The following VAV1 variants were observed in gnomAD, a reference collection of about 807,000 sequenced individuals.
VAV1 encodes the protein vav guanine nucleotide exchange factor 1.
Under a neutral mutation model 128.1 loss-of-function variants are expected in VAV1, and 33 were observed. That is an observed-to-expected ratio of 0.26 (90% CI 0.20 to 0.34). VAV1 has a LOEUF of 0.34. VAV1 is among the 10% of genes least tolerant of loss of function. VAV1 has a pLI of 1.00. For missense variants in VAV1, 715 were observed against 1,093.7 expected, an observed-to-expected ratio of 0.65 and a Z score of 4.88; for synonymous variants, 394 against 409.8, an observed-to-expected ratio of 0.96 and a Z score of 0.47.
At chr19:6,773,848 G>T (rs934541459) in intron 1 of VAV1, among the ~76,000 whole-genome samples, 3 of 152,124 alleles carry the variant, frequency 2.0e-5, no homozygotes, top group South Asian at 4.1e-4. Flanking sequence ...GTTCCCCAGG[G>T]CTGCTGGGTG....
chr19:6,832,793 G>A (rs1972116211), intron 15 of VAV1, among the ~76,000 whole-genome samples: 1 of 149,472 alleles, frequency 6.7e-6, no homozygotes, highest in African/African-American at 2.5e-5. Flanking sequence ...TCCTTTTTAT[G>A]TGAGGCAAAA....
intron 1 of VAV1, among the ~76,000 whole-genome samples, chr19:6,795,046 C>T (rs934714636): frequency 1.2e-4 from 18 of 152,066 alleles, no homozygotes; most frequent in Admixed American, 2.0e-4. Flanking sequence ...TCAAGAAACC[C>T]GGAGAGAGAG....
Position 6,828,057 on chromosome 19 carries a change from T to C in VAV1, c.928-19T>C. ...TCTGGGACCTGCCTCAGTTTCCCCA[T>C]TGTTCTCTGATTCCCCAGGAATGTT... On this transcript the variant is annotated intron_variant, in intron 9 of 26. Coordinates refer to ENST00000602142, the MANE Select transcript of VAV1 (RefSeq NM_005428.4). The surrounding 1 kb of genome is among the most constrained non-coding windows in gnomAD (Gnocchi z 4.5). 6.2e-7 allele frequency: 1 copy of C among 1,613,082 alleles called. No individual in the cohort carries two copies. The highest frequency in any genetic ancestry group is 2.2e-5 in the East Asian group (1 of 44,868).
intron 13 of VAV1, among the ~76,000 whole-genome samples, chr19:6,829,545 G>A (rs1044225657): frequency 6.6e-6 from 1 of 152,164 alleles, no homozygotes; most frequent in Admixed American, 6.5e-5. Flanking sequence ...AGAGAAGGCG[G>A]TGGAGCCTTG....
chr19:6,814,637 C>CTCTTTCCTTCCTTCCTTCCTTCCG (rs1971581940), intron 1 of VAV1, among the ~76,000 whole-genome samples: 8 of 82,074 alleles, frequency 9.7e-5, no homozygotes, highest in African/African-American at 3.9e-4. Flanking sequence ...TTTTCTTTCT[C>CTCTTTCCTTCCTTCCTTCCTTCCG]TCCTTCCTTC....
At chr19:6,816,125 T>G (rs995357699) in intron 1 of VAV1, among the ~76,000 whole-genome samples, 1 of 150,532 alleles carries the variant, frequency 6.6e-6, no homozygotes, top group Non-Finnish European at 1.5e-5. Context: ...GTTCACGCCA[T>G]TCTCCTGCCT....
intron 7 of VAV1, 49 bp from the exon 8 acceptor site, chr19:6,825,254 C>T (rs1234563581): frequency 7.6e-6 from 12 of 1,587,824 alleles, no homozygotes; most frequent in Admixed American, 3.4e-5. Context: ...CTTCCTGGCC[C>T]CCTGAGCCCT....
rs1353294282 is a variant in VAV1, at chr19:6,777,751, T to TA, written c.204+4741dup. On this transcript the variant is annotated intron_variant, in intron 1 of 26. Transcript: ENST00000602142. The surrounding 1 kb of genome is among the most constrained non-coding windows in gnomAD (Gnocchi z 4.4). Reference sequence around the variant, plus strand: ...GATCTGAGGCCCAGGGAGAGAATGATACCATCATGAGAAGCCACAGCTATA... The same window carrying TA: ...GATCTGAGGCCCAGGGAGAGAATGATAACCATCATGAGAAGCCACAGCTATA... Among the ~76,000 whole-genome samples, 6 of 152,106 alleles carry TA rather than the reference T, an allele frequency of 3.9e-5. No individual in the cohort carries two copies. The highest frequency in any genetic ancestry group is 9.7e-5 in the African/African-American group (4 of 41,418).
At chr19:6,801,567 G>A (rs1359394416) in intron 1 of VAV1, among the ~76,000 whole-genome samples, 1 of 152,302 alleles carries the variant, frequency 6.6e-6, no homozygotes, top group East Asian at 1.9e-4. Context: ...GAACCCTCGG[G>A]AGCTTGAGGT....
Position 6,828,358 on chromosome 19 carries a change from G to T in VAV1, c.1024-61G>T. 1 of 1,591,732 alleles carries T rather than the reference G, an allele frequency of 6.3e-7. No homozygotes were observed. Among genetic ancestry groups the T allele is most frequent in the Non-Finnish European group, 8.6e-7 (1 of 1,161,048 alleles). On this transcript the variant is annotated intron_variant, in intron 10 of 26. Transcript: ENST00000602142. This position sits in a 1 kb window ranked among gnomAD's most constrained non-coding sequence, Gnocchi z 4.5. ...CTGGTGAGCTAGCATTGTTTGGAAG[G>T]CCCTCCCCGCAGGGAGAAGGGGAGG...
rs775206603 is a variant in VAV1, at chr19:6,850,683, G to T, written c.2143G>T (p.Val715Phe). Residue 715 changes from valine to phenylalanine, a missense_variant, in exon 24 of 27, where the codon GTC becomes TTC. Val to Phe is a conservative substitution (Grantham distance 50). Around this residue, in one of 3 missense-constraint regions of VAV1, gnomAD observed 407 missense variants for 580.6 expected, o/e 0.70. Coordinates refer to ENST00000602142, the MANE Select transcript of VAV1 (RefSeq NM_005428.4). ...ATCTGGTTCCAGATATAACGTCGAGGTCAAGCACATTAAAATCATGACAGC... is the reference window on the plus strand; with the variant it reads ...ATCTGGTTCCAGATATAACGTCGAGTTCAAGCACATTAAAATCATGACAGC... ...FAISIKYNVE[V>F]KHIKIMTAEG... 6.2e-7 allele frequency: 1 copy of T among 1,614,054 alleles called. No homozygotes were observed. The highest frequency in any genetic ancestry group is 1.1e-5 in the South Asian group (1 of 91,068).
chr19:6,841,345 G>A (rs1485036677), intron 21 of VAV1, among the ~76,000 whole-genome samples: 2 of 152,132 alleles, frequency 1.3e-5, no homozygotes, highest in Admixed American at 6.6e-5. Flanking sequence ...ACAAACATGG[G>A]TATGCAAATA....
At chr19:6,850,856 C>A in intron 24 of VAV1, 99 bp downstream of exon 24, 2 of 1,201,494 alleles carry the variant, frequency 1.7e-6, no homozygotes, top group Non-Finnish European at 2.4e-6. Flanking sequence ...TTCAGGGTGA[C>A]CCCCCTCCAG....
chr19:6,776,353 T>TCCATCCATCCATCC (rs1286305983), intron 1 of VAV1, among the ~76,000 whole-genome samples: 1 of 72,666 alleles, frequency 1.4e-5, no homozygotes, highest in African/African-American at 4.5e-5. Context: ...TCCACTCATC[T>TCCATCCATCCATCC]ATCCATCCAT....
intron 24 of VAV1, among the ~76,000 whole-genome samples, chr19:6,851,343 T>A (rs113464993): frequency 0.042 from 6,212 of 147,750 alleles, 263 homozygotes; most frequent in African/African-American, 0.12. Flanking sequence ...TGGCTAATTT[T>A]AAAAAAAAAT....
At chr19:6,842,015 C>T (rs951183960) in intron 21 of VAV1, among the ~76,000 whole-genome samples, 4 of 151,710 alleles carry the variant, frequency 2.6e-5, no homozygotes, top group East Asian at 3.9e-4. Context: ...CACCTGAGCT[C>T]GGGAGTTTGA....
intron 6 of VAV1, among the ~76,000 whole-genome samples, chr19:6,823,287 G>A (rs1000118671): frequency 2.0e-5 from 3 of 150,530 alleles, no homozygotes; most frequent in African/African-American, 4.9e-5. Context: ...CACCATGCTC[G>A]ACTAATTTTT....
Position 6,844,007 on chromosome 19 carries a change from A to AATAG in VAV1, c.2012+844_2012+847dup, listed in dbSNP as rs372216771. ...TAATCTTCACAAAAGCCCTTCGGAA[A>AATAG]ATAGATTTGATTCTTACTCTCTGCC... On this transcript the variant is annotated intron_variant, in intron 22 of 26. Coordinates refer to ENST00000602142, the MANE Select transcript of VAV1 (RefSeq NM_005428.4). Among the ~76,000 whole-genome samples, 978 of 141,334 alleles carry AATAG rather than the reference A, an allele frequency of 6.9e-3. 7 individuals are homozygous for AATAG. Among genetic ancestry groups the AATAG allele is most frequent in the Non-Finnish European group, 9.7e-3 (640 of 66,046 alleles). The allele number at this position is 141,334 out of a possible 152,430, so 92.7% of individuals were successfully genotyped here. A position where few individuals can be genotyped will look rare whatever the true frequency, so the allele number is the denominator to read the frequency against.
At chr19:6,824,457 A>G (rs1971867052) in intron 6 of VAV1, among the ~76,000 whole-genome samples, 1 of 152,080 alleles carries the variant, frequency 6.6e-6, no homozygotes, top group Admixed American at 6.6e-5. Context: ...TTCAAGGTTC[A>G]TCCACATTGT....
Sources: allele counts gnomAD v4.1 joint callset (sites outside exome capture counted in the v4.1 genomes callset), GRCh38; gene constraint gnomAD v4.1.1; regional missense constraint gnomAD v4.1.1; non-coding constraint Gnocchi (gnomAD v3.1); transcripts MANE v1.5; gene names NCBI Gene and HGNC (gene_info 2026-07-23, HGNC 2026-07-21).